Variants in TF observed in about 807,000 individuals in gnomAD.
The protein encoded by TF is transferrin.
TF carries 55 observed loss-of-function variants against 82.4 expected under a neutral mutation model. The observed-to-expected ratio is 0.67, with a 90% CI of 0.54 to 0.84. TF has a LOEUF of 0.84. TF is among the 40% of genes least tolerant of loss of function. The probability of loss-of-function intolerance (pLI) is 0.00; values close to 1 mark genes in which losing one functional copy is unlikely to be tolerated. For synonymous variants in TF, 332 were observed against 332.6 expected (o/e 1.00, Z 0.02); for missense variants, 737 against 868.4 (o/e 0.85, Z 1.90).
At chr3:133,767,100 T>A (rs1214822673) in intron 12 of TF, among the ~76,000 whole-genome samples, 1 of 152,130 alleles carries the variant, frequency 6.6e-6, no homozygotes, top group Non-Finnish European at 1.5e-5. Flanking sequence ...TTTTGTATGG[T>A]ATGTGAGTGT....
chr3:133,670,849 G>A, the TF span, among the ~76,000 whole-genome samples: 1 of 152,174 alleles, frequency 6.6e-6, no homozygotes, highest in Admixed American at 6.5e-5. Context: ...TGAACCACTC[G>A]GCACATGGCC....
the TF span, among the ~76,000 whole-genome samples, chr3:133,691,491 TA>T: frequency 6.6e-6 from 1 of 152,296 alleles, no homozygotes; most frequent in East Asian, 1.9e-4. Context: ...ACGTGGTTGA[TA>T]AGGCTCAGAA....
intron 6 of TF, 100 bp from the exon 7 acceptor site, chr3:133,756,731 C>T (rs1933845011): frequency 6.8e-7 from 1 of 1,466,598 alleles, no homozygotes; most frequent in Non-Finnish European, 9.5e-7. Flanking sequence ...TCACTCCAGA[C>T]CTCTCAGCTC....
chr3:133,766,329 A>G lies in TF; in HGVS notation c.1382A>G (p.Asp461Gly). Residue 461 changes from aspartate to glycine, a missense_variant, in exon 12 of 17, where the codon GAC becomes GGC. Transcript: ENST00000402696. ...VKKSASDLTW[D>G]NLKGKKSCHT... The stretch of plus-strand genomic sequence containing the variant: ...AAATCAGCTTCTGACCTCACCTGGG[A>G]CAATCTGAAAGGCAAGAAGTCCTGC... The G allele has an allele frequency of 6.2e-7, 1 of 1,614,174 alleles. No homozygotes were observed. Among genetic ancestry groups the G allele is most frequent in the South Asian group, 1.1e-5 (1 of 91,078 alleles).
the TF span, among the ~76,000 whole-genome samples, chr3:133,665,702 T>C: frequency 6.6e-6 from 1 of 151,578 alleles, no homozygotes; most frequent in Non-Finnish European, 1.5e-5. Flanking sequence ...CCCAGCACTT[T>C]GGGAGGCCGA....
rs1269875790 is a variant in TF, at chr3:133,790,198, C to T, written c.*11578C>T. The T allele has an allele frequency of 1.3e-5, 2 of 152,114 alleles. No individual in the cohort carries two copies. The highest frequency in any genetic ancestry group is 2.4e-5 in the African/African-American group (1 of 41,410). The allele number at this position is 152,114 out of a possible 1,614,324, so 9.4% of individuals were successfully genotyped here. The stretch of plus-strand genomic sequence containing the variant: ...ATCATTTTTGATGCTCATTTAAGAT[C>T]TGGGCCATTTCCAATTAGAAAGGTT... On this transcript the variant is annotated 3_prime_UTR_variant, in exon 17 of 17. Transcript: ENST00000402696.
the TF span, among the ~76,000 whole-genome samples, chr3:133,679,569 C>CTTTTTTTTTTTTTT: frequency 5.0e-4 from 38 of 75,384 alleles, 1 homozygote; most frequent in Admixed American, 7.2e-4. Context: ...CTTTGTTTGG[C>CTTTTTTTTTTTTTT]TTTTTTTTTT....
At chr3:133,770,092 C>G (rs1190395010) in intron 13 of TF, among the ~76,000 whole-genome samples, 1 of 152,150 alleles carries the variant, frequency 6.6e-6, no homozygotes, top group Non-Finnish European at 1.5e-5. Flanking sequence ...GAATGAAGGA[C>G]AGCACAAATT....
chr3:133,766,213 T>C (rs1256295936), intron 11 of TF, 65 bp from the exon 12 acceptor site: 1 of 1,503,794 alleles, frequency 6.6e-7, no homozygotes, highest in East Asian at 2.3e-5. Flanking sequence ...GGAAATTGAT[T>C]GGAAGCAGAC....
intron 13 of TF, among the ~76,000 whole-genome samples, chr3:133,768,418 C>T (rs1934181544): frequency 6.6e-6 from 1 of 152,158 alleles, no homozygotes; most frequent in South Asian, 2.1e-4. Context: ...GATTTGACCC[C>T]CACGGGACAT....
At chr3:133,679,589 T>TTC in the TF span, among the ~76,000 whole-genome samples, 1 of 149,334 alleles carries the variant, frequency 6.7e-6, no homozygotes, top group African/African-American at 2.5e-5. Flanking sequence ...TTTTTTTTTT[T>TTC]TTTTACTCAG....
At chr3:133,698,639 T>C in the TF span, among the ~76,000 whole-genome samples, 1 of 152,190 alleles carries the variant, frequency 6.6e-6, no homozygotes, top group African/African-American at 2.4e-5. Flanking sequence ...CTCCCCCTTT[T>C]CATGAGGACA....
the TF span, among the ~76,000 whole-genome samples, chr3:133,718,384 C>G: frequency 6.6e-6 from 1 of 151,960 alleles, no homozygotes; most frequent in Non-Finnish European, 1.5e-5. Flanking sequence ...TGTACCTGGA[C>G]GGCAGAAGAG....
At chr3:133,674,610 C>T in the TF span, among the ~76,000 whole-genome samples, 967 of 152,270 alleles carry the variant, frequency 6.4e-3, 5 homozygotes, top group Non-Finnish European at 0.01. Flanking sequence ...GAATGAGGCT[C>T]GCTATCTGCG....
chr3:133,697,871 C>A, the TF span, among the ~76,000 whole-genome samples: 1 of 152,202 alleles, frequency 6.6e-6, no homozygotes, highest in African/African-American at 2.4e-5. Flanking sequence ...ATTTTATCAA[C>A]CCCAAAGACC....
Position 133,794,701 on chromosome 3 carries a change from C to T in TF, c.*16081C>T, listed in dbSNP as rs1934923796. 6.6e-6 allele frequency: 1 copy of T among 152,186 alleles called. No homozygotes were observed. The highest frequency in any genetic ancestry group is 6.5e-5 in the Admixed American group (1 of 15,288). The allele number at this position is 152,186 out of a possible 1,614,324, so 9.4% of individuals were successfully genotyped here. On this transcript the variant is annotated 3_prime_UTR_variant, in exon 17 of 17. Transcript: ENST00000402696. The stretch of plus-strand genomic sequence containing the variant: ...CCCTCCACACTCTTGGAACTGTACA[C>T]CCATTGGAACCCTTAAGGTAAAGCT...
chr3:133,721,468 C>G, the TF span, among the ~76,000 whole-genome samples: 1 of 152,084 alleles, frequency 6.6e-6, no homozygotes, highest in Non-Finnish European at 1.5e-5. Context: ...TGATGTCTGT[C>G]TTCTTAAATT....
chr3:133,684,247 G>A, the TF span, among the ~76,000 whole-genome samples: 1 of 152,166 alleles, frequency 6.6e-6, no homozygotes, highest in Non-Finnish European at 1.5e-5. Context: ...ACAAGAGAAG[G>A]CAGGAAAGCT....
the TF span, among the ~76,000 whole-genome samples, chr3:133,687,612 C>T: frequency 2.6e-4 from 39 of 152,322 alleles, no homozygotes; most frequent in Middle Eastern, 0.017. Flanking sequence ...ATGGCAACCA[C>T]CAATTAATAT....
Sources: gnomAD v4.1 joint callset for allele counts (sites outside exome capture counted in the v4.1 genomes callset) on GRCh38, gnomAD v4.1.1 for gene constraint, MANE v1.5 for transcripts, NCBI Gene and HGNC (gene_info 2026-07-23, HGNC 2026-07-21) for gene names.